The following CLASP2 variants were observed in gnomAD, a reference collection of about 807,000 sequenced individuals.
CLASP2 encodes cytoplasmic linker associated protein 2.
A neutral mutation model predicts 194.4 loss-of-function variants in CLASP2; 47 were observed. That is an observed-to-expected ratio of 0.24 (90% CI 0.19 to 0.31). The LOEUF (loss-of-function observed/expected upper bound fraction) is 0.31, where lower values mean the gene tolerates loss of function less well. CLASP2 is among the 10% of genes least tolerant of loss of function. The pLI is 1.00. For missense variants in CLASP2, 1,445 were observed against 1,823.6 expected (o/e 0.79, Z 3.78); for synonymous variants, 619 against 633.5 (o/e 0.98, Z 0.34).
chr3:33,507,372 C>T (rs956017124), intron 37 of CLASP2, among the ~76,000 whole-genome samples: 3 of 152,174 alleles, frequency 2.0e-5, no homozygotes, highest in African/African-American at 7.2e-5. Flanking sequence ...CAGAATATAC[C>T]CTTAAGGTAC....
intron 6 of CLASP2, among the ~76,000 whole-genome samples, chr3:33,666,188 A>G (rs974863089): frequency 6.6e-6 from 1 of 152,248 alleles, no homozygotes; most frequent in Admixed American, 6.5e-5. Context: ...TCTTTCTAAA[A>G]TAACAGTATT....
At chr3:33,621,009 GTGTGTGTGT>G (rs1248415768) in intron 11 of CLASP2, among the ~76,000 whole-genome samples, 1 of 79,050 alleles carries the variant, frequency 1.3e-5, no homozygotes, top group Non-Finnish European at 3.0e-5. Flanking sequence ...GTGTGTGTGT[GTGTGTGTGT>G]GTGTGTGTGT....
intron 18 of CLASP2, among the ~76,000 whole-genome samples, chr3:33,601,237 GGT>G (rs2072100954): frequency 6.6e-6 from 1 of 152,114 alleles, no homozygotes; most frequent in African/African-American, 2.4e-5. Context: ...TGGGATTACA[GGT>G]GTGAGCCACC....
intron 1 of CLASP2, among the ~76,000 whole-genome samples, chr3:33,715,849 A>G (rs941309824): frequency 2.2e-4 from 4 of 17,974 alleles, no homozygotes. Context: ...ATCTTAAGTA[A>G]AAAAAAAAAA....
chr3:33,538,390 T>C (rs1432978448), intron 33 of CLASP2, among the ~76,000 whole-genome samples: 1 of 152,220 alleles, frequency 6.6e-6, no homozygotes, highest in Non-Finnish European at 1.5e-5. Context: ...ATAGACTCAC[T>C]TTCCTCCAAA....
intron 33 of CLASP2, among the ~76,000 whole-genome samples, chr3:33,536,447 A>G (rs1029595895): frequency 2.0e-5 from 3 of 152,202 alleles, no homozygotes; most frequent in African/African-American, 7.2e-5. Context: ...AGAGTGTTTC[A>G]GGTAGAGAAA....
intron 2 of CLASP2, among the ~76,000 whole-genome samples, chr3:33,694,049 T>A (rs2091623458): frequency 6.6e-6 from 1 of 151,990 alleles, no homozygotes; most frequent in African/African-American, 2.4e-5. Flanking sequence ...AAATCTGAAG[T>A]ACATTTTTAG....
chr3:33,617,928 T>C (rs1178485471), intron 12 of CLASP2, among the ~76,000 whole-genome samples: 1 of 145,968 alleles, frequency 6.9e-6, no homozygotes, highest in Non-Finnish European at 1.5e-5. Context: ...GGATAATTAT[T>C]ATTATTATAT....
chr3:33,511,111 T>C (rs908496793), intron 36 of CLASP2, among the ~76,000 whole-genome samples: 3 of 150,518 alleles, frequency 2.0e-5, no homozygotes, highest in Admixed American at 6.7e-5. Flanking sequence ...TCAGTCACTA[T>C]AGCCTCAAAC....
chr3:33,559,878 G>A (rs1176781782), intron 28 of CLASP2, among the ~76,000 whole-genome samples: 1 of 151,974 alleles, frequency 6.6e-6, no homozygotes, highest in Non-Finnish European at 1.5e-5. Context: ...TGGGCAACAA[G>A]AGTGAAACTC....
In CLASP2 at chr3:33,515,663, C is replaced by T. The variant is rs115732162; in HGVS notation, c.4110+360G>A. Among the ~76,000 whole-genome samples the T allele has an allele frequency of 7.0e-3, 1,068 of 152,014 alleles. 15 individuals are homozygous for T. The highest frequency in any genetic ancestry group is 0.023 in the African/African-American group (973 of 41,472). ...GATCCTGATTCAACAAACAAACAAC[C>T]CCCCCAAAACAATGATTTCTTATCT... On this transcript the variant is annotated intron_variant, in intron 36 of 38. Coordinates refer to ENST00000682230, the MANE Select transcript of CLASP2 (RefSeq NM_001365631.1).
chr3:33,564,633 C>T (rs2062360975), intron 27 of CLASP2, among the ~76,000 whole-genome samples: 2 of 152,104 alleles, frequency 1.3e-5, no homozygotes, highest in African/African-American at 4.8e-5. Flanking sequence ...CTCTGTCACC[C>T]AGTCTGCAGT....
intron 38 of CLASP2, among the ~76,000 whole-genome samples, chr3:33,501,262 A>G (rs1486496514): frequency 6.6e-6 from 1 of 152,232 alleles, no homozygotes. Flanking sequence ...CAAGTATTCT[A>G]TATTTGGAGA....
intron 33 of CLASP2, among the ~76,000 whole-genome samples, chr3:33,536,198 C>A (rs1448012908): frequency 6.9e-6 from 1 of 145,060 alleles, no homozygotes; most frequent in African/African-American, 2.6e-5. Flanking sequence ...CATCAGTGAG[C>A]AAAAGAGAGA....
chr3:33,649,700 C>T (rs1417334339), intron 7 of CLASP2, among the ~76,000 whole-genome samples: 1 of 152,124 alleles, frequency 6.6e-6, no homozygotes, highest in Non-Finnish European at 1.5e-5. Flanking sequence ...CTCTTCCCAC[C>T]AAAAGCTGGT....
At chr3:33,695,298 C>T (rs1374220757) in intron 2 of CLASP2, among the ~76,000 whole-genome samples, 1 of 146,016 alleles carries the variant, frequency 6.8e-6, no homozygotes, top group East Asian at 2.0e-4. Flanking sequence ...TGTCCTCAAG[C>T]AATCCTCCTA....
intron 8 of CLASP2, among the ~76,000 whole-genome samples, chr3:33,633,917 G>C (rs2079597441): frequency 6.6e-6 from 1 of 152,104 alleles, no homozygotes; most frequent in Non-Finnish European, 1.5e-5. Context: ...ATGTCTATTG[G>C]GGTGTCTTAA....
At chr3:33,518,279 C>T (rs2051992621) in intron 34 of CLASP2, among the ~76,000 whole-genome samples, 1 of 152,192 alleles carries the variant, frequency 6.6e-6, no homozygotes, top group South Asian at 2.1e-4. Flanking sequence ...AAGTCACTCA[C>T]TGCTTATTTT....
At chr3:33,703,368 G>A (rs1432620713) in intron 1 of CLASP2, among the ~76,000 whole-genome samples, 4 of 152,132 alleles carry the variant, frequency 2.6e-5, no homozygotes, top group African/African-American at 4.8e-5. Flanking sequence ...TCTCAACATC[G>A]TATGTCATTA....
Sources: gnomAD v4.1 joint callset for allele counts (sites outside exome capture counted in the v4.1 genomes callset) on GRCh38, gnomAD v4.1.1 for gene constraint, MANE v1.5 for transcripts, NCBI Gene and HGNC (gene_info 2026-07-23, HGNC 2026-07-21) for gene names.